NTNG1: variants seen among roughly 807,000 people sequenced by gnomAD.
The protein encoded by NTNG1 is netrin G1, also known as netrin-G1.
Under a neutral mutation model 54.0 loss-of-function variants are expected in NTNG1, and 16 were observed. The observed-to-expected ratio is 0.30, with a 90% CI of 0.20 to 0.45. The LOEUF is 0.45. Ranked by LOEUF, NTNG1 falls within the 20% of genes least tolerant of loss-of-function variation. The pLI, the probability that NTNG1 is intolerant of heterozygous loss-of-function variation, is 1.00. For synonymous variants in NTNG1, 255 were observed against 263.1 expected, an observed-to-expected ratio of 0.97 and a Z score of 0.30; for missense variants, 530 against 678.7, an observed-to-expected ratio of 0.78 and a Z score of 2.43.
intron 2 of NTNG1, among the ~76,000 whole-genome samples, chr1:107,248,461 C>T (rs1662345802): frequency 6.6e-6 from 1 of 152,142 alleles, no homozygotes; most frequent in Non-Finnish European, 1.5e-5. Context: ...TGGTGCTCAA[C>T]AGACATGAGA....
chr1:107,395,119 T>C (rs989630921), intron 3 of NTNG1, 35 bp from the exon 4 acceptor site: 2 of 1,583,020 alleles, frequency 1.3e-6, no homozygotes, highest in East Asian at 2.2e-5. Flanking sequence ...GACCAACTTA[T>C]CTGACAATGA....
At chr1:107,161,992 A>T (rs4428916) in intron 2 of NTNG1, among the ~76,000 whole-genome samples, 43,275 of 151,810 alleles carry the variant, frequency 0.29, 6,335 homozygotes, top group African/African-American at 0.32. Context: ...ATATTTGTAA[A>T]TTATCCATTT....
intron 2 of NTNG1, among the ~76,000 whole-genome samples, chr1:107,174,776 T>A (rs1656514703): frequency 6.6e-6 from 1 of 152,020 alleles, no homozygotes. Context: ...CTAATTTTAG[T>A]GCAAGCTGAG....
At chr1:107,173,779 G>A (rs1656439736) in intron 2 of NTNG1, among the ~76,000 whole-genome samples, 1 of 135,826 alleles carries the variant, frequency 7.4e-6, no homozygotes, top group Non-Finnish European at 1.5e-5. Context: ...TCTAAAGAAT[G>A]AAATGATTTC....
intron 2 of NTNG1, among the ~76,000 whole-genome samples, chr1:107,230,193 T>G (rs979863763): frequency 6.6e-6 from 1 of 152,208 alleles, no homozygotes; most frequent in East Asian, 1.9e-4. Context: ...TATAATCACT[T>G]ATAATAATTA....
chr1:107,325,130 G>A (rs1667877823), intron 3 of NTNG1, among the ~76,000 whole-genome samples: 1 of 152,048 alleles, frequency 6.6e-6, no homozygotes, highest in Non-Finnish European at 1.5e-5. Flanking sequence ...CCTGAACCTG[G>A]CATGATTCTT....
intron 2 of NTNG1, among the ~76,000 whole-genome samples, chr1:107,307,802 A>T (rs894475548): frequency 3.3e-5 from 5 of 152,138 alleles, no homozygotes; most frequent in African/African-American, 1.2e-4. Context: ...TCTAACACTT[A>T]GCCCTGTTCT....
At position 107,484,449 on chromosome 1, in the gene NTNG1, A is replaced by G. The variant is rs1007079025; in HGVS notation, c.*3609A>G. 2.6e-5 allele frequency among the ~76,000 whole-genome samples: 4 copies of G among 152,292 alleles called. No homozygotes were observed. In the East Asian group the frequency reaches 7.7e-4, roughly 29 times the overall value. On this transcript the variant is annotated 3_prime_UTR_variant, in exon 8 of 8. Coordinates refer to ENST00000370068, the MANE Select transcript of NTNG1 (RefSeq NM_001113226.3). The stretch of plus-strand genomic sequence containing the variant: ...TTGTTAGCTTTATGTATGACTTTTA[A>G]ATACTTAGACATGTGGCATGGGGTC...
intron 3 of NTNG1, among the ~76,000 whole-genome samples, chr1:107,335,454 A>G (rs972782941): frequency 1.3e-5 from 2 of 151,984 alleles, no homozygotes; most frequent in Non-Finnish European, 2.9e-5. Flanking sequence ...AACTATATAC[A>G]TGTATCTGCT....
At chr1:107,261,954 T>C (rs1663375869) in intron 2 of NTNG1, among the ~76,000 whole-genome samples, 1 of 152,230 alleles carries the variant, frequency 6.6e-6, no homozygotes, top group African/African-American at 2.4e-5. Flanking sequence ...AGGTTCTCTG[T>C]CCGGGCAATG....
intron 2 of NTNG1, among the ~76,000 whole-genome samples, chr1:107,306,269 T>A (rs1013969584): frequency 6.6e-6 from 1 of 152,230 alleles, no homozygotes; most frequent in African/African-American, 2.4e-5. Context: ...TATGCATCAG[T>A]ATAAAGTTAC....
intron 3 of NTNG1, among the ~76,000 whole-genome samples, chr1:107,336,248 G>C (rs1258239321): frequency 6.6e-6 from 1 of 150,698 alleles, no homozygotes; most frequent in African/African-American, 2.4e-5. Flanking sequence ...GTGTGGTACT[G>C]ACATAAAGAT....
At chr1:107,195,810 T>C (rs1557799748) in intron 2 of NTNG1, among the ~76,000 whole-genome samples, 2 of 152,038 alleles carry the variant, frequency 1.3e-5, no homozygotes, top group South Asian at 4.1e-4. Flanking sequence ...ATATCAGTTC[T>C]GACTCAAATA....
intron 2 of NTNG1, among the ~76,000 whole-genome samples, chr1:107,232,810 A>C (rs1661162557): frequency 6.6e-6 from 1 of 152,294 alleles, no homozygotes; most frequent in African/African-American, 2.4e-5. Context: ...TCTAGTCAAA[A>C]TGGAGGGTAC....
intron 5 of NTNG1, among the ~76,000 whole-genome samples, chr1:107,412,972 A>G (rs1239338203): frequency 6.6e-6 from 1 of 152,168 alleles, no homozygotes; most frequent in Non-Finnish European, 1.5e-5. Flanking sequence ...TAACTCTGCC[A>G]GTATCACACT....
At chr1:107,284,191 T>C (rs1665046681) in intron 2 of NTNG1, among the ~76,000 whole-genome samples, 1 of 152,140 alleles carries the variant, frequency 6.6e-6, no homozygotes, top group South Asian at 2.1e-4. Context: ...TAATACTCAA[T>C]ACCTAGTCAC....
chr1:107,217,852 G>T (rs199656600), intron 2 of NTNG1, among the ~76,000 whole-genome samples: 2 of 152,096 alleles, frequency 1.3e-5, no homozygotes, highest in East Asian at 3.9e-4. Flanking sequence ...GTTGAGATTT[G>T]TTTTGTGGCC....
chr1:107,461,082 G>GT (rs1677254796), intron 7 of NTNG1, among the ~76,000 whole-genome samples: 3 of 152,174 alleles, frequency 2.0e-5, no homozygotes, highest in African/African-American at 7.2e-5. Flanking sequence ...CAATACATGT[G>GT]TAAAAAGCGT....
intron 4 of NTNG1, among the ~76,000 whole-genome samples, chr1:107,402,109 A>G (rs1673078514): frequency 6.6e-6 from 1 of 152,168 alleles, no homozygotes; most frequent in Non-Finnish European, 1.5e-5. Flanking sequence ...ATTCAACCAC[A>G]ATATGAAATA....
Sources: allele counts gnomAD v4.1 joint callset (sites outside exome capture counted in the v4.1 genomes callset), GRCh38; gene constraint gnomAD v4.1.1; transcripts MANE v1.5; gene names NCBI Gene and HGNC (gene_info 2026-07-23, HGNC 2026-07-21).